PCDH15: variants seen among roughly 807,000 people sequenced by gnomAD.
PCDH15 encodes protocadherin related 15.
Under a neutral mutation model 178.5 loss-of-function variants are expected in PCDH15, and 129 were observed. That is an observed-to-expected ratio of 0.72 (90% CI 0.63 to 0.84). The LOEUF (loss-of-function observed/expected upper bound fraction) is 0.84. PCDH15 is among the 40% of genes least tolerant of loss of function. The probability of loss-of-function intolerance (pLI) is 0.00; values close to 1 mark genes in which losing one functional copy is unlikely to be tolerated. For missense variants in PCDH15, 2,230 were observed against 2,099.9 expected (o/e 1.06, Z -1.21); for synonymous variants, 800 against 732.0 (o/e 1.09, Z -1.50).
chr10:55,242,845 AAAAC>A lies in PCDH15; in HGVS notation c.-155-76198_-155-76195del, dbSNP rs755202098. Among the ~76,000 whole-genome samples the A allele has an allele frequency of 3.3e-5, 5 of 152,262 alleles. No individual in the cohort carries two copies. The South Asian group carries it at 1.0e-3, about 32-fold the overall frequency. On this transcript the variant is annotated intron_variant, in intron 1 of 5. Coordinates refer to the PCDH15 transcript ENST00000458638. The stretch of plus-strand genomic sequence containing the variant: ...ACAGAGCGAAACTCTGTCTCAAAAC[AAAAC>A]AAACAAACAAACAAAAAAGGCACAC...
chr10:55,395,194 TGTGAGAGAGAGAGA>T (rs1348231819), intron 2 of PCDH15, among the ~76,000 whole-genome samples: 1 of 91,014 alleles, frequency 1.1e-5, no homozygotes, highest in Non-Finnish European at 2.3e-5. Flanking sequence ...TGTGTGTGTG[TGTGAGAGAGAGAGA>T]GAGAGAGAGA....
At chr10:55,494,278 T>C (rs992491725) in intron 2 of PCDH15, among the ~76,000 whole-genome samples, 4 of 151,864 alleles carry the variant, frequency 2.6e-5, no homozygotes, top group Admixed American at 2.0e-4. Context: ...TTGATATTCA[T>C]ATAGCCACTT....
intron 2 of PCDH15, among the ~76,000 whole-genome samples, chr10:54,963,671 C>T (rs1317663349): frequency 1.3e-5 from 2 of 152,200 alleles, no homozygotes; most frequent in Non-Finnish European, 2.9e-5. Context: ...AAGATCCTAA[C>T]CTGGTTATTT....
intron 2 of PCDH15, among the ~76,000 whole-genome samples, chr10:54,996,050 G>A (rs74498209): frequency 0.017 from 2,570 of 152,230 alleles, 69 homozygotes; most frequent in African/African-American, 0.057. Context: ...GCAGTGGGGA[G>A]CAGGACCTAT....
At chr10:55,202,497 T>C (rs1326687651) in intron 1 of PCDH15, among the ~76,000 whole-genome samples, 1 of 152,174 alleles carries the variant, frequency 6.6e-6, no homozygotes, top group Non-Finnish European at 1.5e-5. Flanking sequence ...TTCTCTGTGA[T>C]GCTGGAGCGG....
chr10:54,908,186 C>T (rs1443455784), intron 2 of PCDH15, among the ~76,000 whole-genome samples: 1 of 152,170 alleles, frequency 6.6e-6, no homozygotes, highest in African/African-American at 2.4e-5. Context: ...GGATCCCATG[C>T]CTGCCGAGGG....
chr10:54,955,198 G>T (rs762611422), intron 2 of PCDH15, among the ~76,000 whole-genome samples: 6 of 151,192 alleles, frequency 4.0e-5, no homozygotes, highest in African/African-American at 9.7e-5. Context: ...TTACTTAGAA[G>T]CTTGAAGGCC....
chr10:54,592,972 C>T (rs2091976007), intron 2 of PCDH15, among the ~76,000 whole-genome samples: 2 of 152,032 alleles, frequency 1.3e-5, no homozygotes, highest in Admixed American at 6.6e-5. Flanking sequence ...ATTGACCTGT[C>T]GTCTTTCATC....
chr10:53,819,602 A>T (rs2076183906), intron 33 of PCDH15, among the ~76,000 whole-genome samples: 1 of 152,010 alleles, frequency 6.6e-6, no homozygotes, highest in Non-Finnish European at 1.5e-5. Context: ...CAATAAGGAC[A>T]AATGTTTGGT....
intron 18 of PCDH15, among the ~76,000 whole-genome samples, chr10:54,063,780 G>A (rs973401804): frequency 4.6e-5 from 7 of 152,132 alleles, no homozygotes; most frequent in East Asian, 1.9e-4. Flanking sequence ...GCATAGCCAC[G>A]CACGCTAGCT....
chr10:54,744,165 G>A (rs565029319), intron 1 of PCDH15, among the ~76,000 whole-genome samples: 2 of 152,214 alleles, frequency 1.3e-5, no homozygotes, highest in East Asian at 1.9e-4. Context: ...CCAACCACCA[G>A]TTAGGAATAA....
chr10:54,538,306 G>C (rs1489435297), intron 2 of PCDH15, among the ~76,000 whole-genome samples: 2 of 151,974 alleles, frequency 1.3e-5, no homozygotes, highest in African/African-American at 4.8e-5. Flanking sequence ...TGAAAGTAAG[G>C]GTCCAGTTTA....
chr10:54,697,921 G>A (rs2095257917), intron 1 of PCDH15, among the ~76,000 whole-genome samples: 1 of 152,082 alleles, frequency 6.6e-6, no homozygotes, highest in Non-Finnish European at 1.5e-5. Flanking sequence ...CACCTGCTAA[G>A]TTCTGTATAC....
chr10:54,694,576 G>C (rs1293019802), intron 1 of PCDH15, among the ~76,000 whole-genome samples: 1 of 151,856 alleles, frequency 6.6e-6, no homozygotes, highest in Non-Finnish European at 1.5e-5. Flanking sequence ...CTGTGTCTAT[G>C]TTTTGGAAAT....
chr10:55,402,096 C>T (rs1206851214), intron 2 of PCDH15, among the ~76,000 whole-genome samples: 1 of 144,108 alleles, frequency 6.9e-6, no homozygotes, highest in African/African-American at 2.4e-5. Context: ...CTGAGTGACC[C>T]ATGGTGTTTC....
At chr10:53,936,819 G>A (rs906332011) in intron 25 of PCDH15, among the ~76,000 whole-genome samples, 2 of 151,908 alleles carry the variant, frequency 1.3e-5, no homozygotes, top group Non-Finnish European at 2.9e-5. Flanking sequence ...ATGTGGTAGG[G>A]CAACTAATTC....
At chr10:54,813,882 CT>C (rs1952906358) in intron 3 of PCDH15, among the ~76,000 whole-genome samples, 1 of 152,112 alleles carries the variant, frequency 6.6e-6, no homozygotes, top group South Asian at 2.1e-4. Flanking sequence ...CCTCATACTT[CT>C]TTTCAAAATT....
In PCDH15 at chr10:54,455,080, C is replaced by T. The variant is rs972493358; in HGVS notation, c.157+72732G>A. On this transcript the variant is annotated intron_variant, in intron 3 of 37. Transcript: ENST00000644397. ...GCTCAGCACTTCTCCTTCCTGCTGC[C>T]ATGTGAAGAAGAATGTGTTTACTTC... Among the ~76,000 whole-genome samples, 4 of 152,102 alleles carry T rather than the reference C, an allele frequency of 2.6e-5. No homozygotes were observed. The East Asian group carries it at 7.7e-4, about 29-fold the overall frequency.
rs150519921 is a variant in PCDH15, at chr10:55,198,926, A to C, written c.-155-32275T>G. Reference sequence around the variant, plus strand: ...GAGACTTCCCAGCCACGCTTCCTGTACAGCCTGCAGAACTGTGAATCAATT... The same window carrying C: ...GAGACTTCCCAGCCACGCTTCCTGTCCAGCCTGCAGAACTGTGAATCAATT... On this transcript the variant is annotated intron_variant, in intron 1 of 5. Coordinates refer to the PCDH15 transcript ENST00000458638. Among the ~76,000 whole-genome samples, 563 of 152,156 alleles carry C rather than the reference A, an allele frequency of 3.7e-3. 9 individuals are homozygous for C. Among genetic ancestry groups the C allele is most frequent in the South Asian group, 0.02 (97 of 4,828 alleles).
Sources: gnomAD v4.1 joint callset for allele counts (sites outside exome capture counted in the v4.1 genomes callset) on GRCh38, gnomAD v4.1.1 for gene constraint, MANE v1.5 for transcripts, NCBI Gene and HGNC (gene_info 2026-07-23, HGNC 2026-07-21) for gene names.